Variants in GON4L observed in about 807,000 individuals in gnomAD.
GON4L encodes the protein GON-4-like protein.
A neutral mutation model predicts 211.8 loss-of-function variants in GON4L; 87 were observed. The observed-to-expected ratio is 0.41, with a 90% CI of 0.35 to 0.49. The LOEUF (loss-of-function observed/expected upper bound fraction) is 0.49, where lower values mean the gene tolerates loss of function less well. GON4L is among the 20% of genes least tolerant of loss of function. GON4L has a pLI of 0.15. For synonymous variants in GON4L, 875 were observed against 962.6 expected (o/e 0.91, Z 1.68); for missense variants, 2,155 against 2,659.5 (o/e 0.81, Z 4.17).
At chr1:155,812,914 T>G (rs1420564849) in intron 10 of GON4L, among the ~76,000 whole-genome samples, 1 of 152,156 alleles carries the variant, frequency 6.6e-6, no homozygotes, top group East Asian at 1.9e-4. Context: ...AATAAACTCA[T>G]TTTTAGAAAA....
At chr1:155,833,846 C>T (rs951944194) in intron 2 of GON4L, among the ~76,000 whole-genome samples, 3 of 150,992 alleles carry the variant, frequency 2.0e-5, no homozygotes, top group Non-Finnish European at 4.4e-5. Context: ...CTTTTTTTTA[C>T]AGACAAGGTC....
chr1:155,813,740 G>A lies in GON4L; in HGVS notation c.1346C>T (p.Pro449Leu), dbSNP rs776124346. The change falls in exon 10 of 32, where the codon CCG becomes CTG. Residue 449 changes from proline (P) to leucine (L), a missense_variant. Around this residue, in one of 6 missense-constraint regions of GON4L, gnomAD observed 551 missense variants for 854.0 expected, o/e 0.65. Transcript: ENST00000368331. ...ISAEVVPMGP[P>L]PPPKPKQTRD... ...GGTCTGTTTCGGCTTTGGAGGGGGC[G>A]GGGGCCCCATGGGCACTACCTCAGC... 1.9e-6 allele frequency: 3 copies of A among 1,612,506 alleles called. No homozygotes were observed. Among genetic ancestry groups the A allele is most frequent in the Non-Finnish European group, 2.5e-6 (3 of 1,178,526 alleles).
rs60229363 is a variant in GON4L, at chr1:155,750,790, GTCTC to G, written c.6577-61_6577-58del. ...CTTTTTTTTTTGTTTTTGAGACGGA[GTCTC>G]TCTCTGTTGCTGAGACTGGAGTGCA... is the stretch of plus-strand genomic sequence containing the variant. On this transcript the variant is annotated intron_variant, in intron 31 of 31. Transcript: ENST00000368331. The G allele has an allele frequency of 1.9e-5, 29 of 1,509,960 alleles. No individual in the cohort carries two copies. In the Admixed American group the frequency reaches 2.2e-4, roughly 11 times the overall value. The allele number at this position is 1,509,960 out of a possible 1,614,324, so 93.5% of individuals were successfully genotyped here. A position where few individuals can be genotyped will look rare whatever the true frequency, so the allele number is the denominator to read the frequency against.
chr1:155,836,180 T>C (rs1670274976), intron 2 of GON4L, among the ~76,000 whole-genome samples: 1 of 151,740 alleles, frequency 6.6e-6, no homozygotes, highest in Non-Finnish European at 1.5e-5. Context: ...AAAGACTGAC[T>C]GGCACCATTT....
At chr1:155,839,539 T>C (rs543737093) in intron 2 of GON4L, among the ~76,000 whole-genome samples, 52 of 151,806 alleles carry the variant, frequency 3.4e-4, no homozygotes, top group African/African-American at 1.2e-3. Flanking sequence ...TAATTCCAGC[T>C]ACTTTTGAGG....
Position 155,819,678 on chromosome 1 carries a change from G to T in GON4L, c.1014+928C>A, listed in dbSNP as rs561612964. 1.9e-4 allele frequency among the ~76,000 whole-genome samples: 29 copies of T among 152,282 alleles called. No individual in the cohort carries two copies. The South Asian group carries it at 6.0e-3, about 32-fold the overall frequency. On this transcript the variant is annotated intron_variant, in intron 6 of 31. Coordinates refer to ENST00000368331, the MANE Select transcript of GON4L (RefSeq NM_001282860.2). Reference sequence around the variant, plus strand: ...TCAGAAATATAATGAACTCCCTCATGACTATTACCTGCCTTGTAAGCACAA... The same window carrying T: ...TCAGAAATATAATGAACTCCCTCATTACTATTACCTGCCTTGTAAGCACAA...
intron 27 of GON4L, 93 bp from the exon 28 acceptor site, chr1:155,754,581 T>C (rs1660971675): frequency 1.2e-5 from 9 of 743,598 alleles, no homozygotes; most frequent in African/African-American, 1.9e-5. Context: ...CCAGGCTGGG[T>C]TGCAGTGGCA....
chr1:155,825,221 T>C (rs981899927), intron 3 of GON4L, among the ~76,000 whole-genome samples: 3 of 151,866 alleles, frequency 2.0e-5, no homozygotes, highest in African/African-American at 4.8e-5. Context: ...CAGAATGATA[T>C]ACAGCAATAA....
intron 19 of GON4L, among the ~76,000 whole-genome samples, chr1:155,767,978 AG>A (rs891257052): frequency 2.6e-5 from 4 of 152,046 alleles, no homozygotes; most frequent in Non-Finnish European, 4.4e-5. Flanking sequence ...TTAGAAGAGA[AG>A]GGGGGAAAAA....
chr1:155,774,455 C>G (rs551620105), intron 17 of GON4L, among the ~76,000 whole-genome samples: 25 of 152,004 alleles, frequency 1.6e-4, no homozygotes, highest in African/African-American at 5.3e-4. Context: ...ACTACAGGCG[C>G]GTGCCCCCAT....
chr1:155,806,959 G>A (rs1222673782), intron 10 of GON4L, among the ~76,000 whole-genome samples: 1 of 151,950 alleles, frequency 6.6e-6, no homozygotes, highest in East Asian at 1.9e-4. Flanking sequence ...AATTAGTTGC[G>A]TGTGGTGGCA....
chr1:155,805,122 A>G lies in GON4L; in HGVS notation c.1472T>C (p.Ile491Thr). ...CATCTTAGAACGCGTTCGAAATGCA[A>G]TGAGACTGTCATCCATGGGCTGGAC... Reference protein sequence around the residue: ...DSFQPMDDSLIAFRTRSKMPL... With the variant: ...DSFQPMDDSLTAFRTRSKMPL... Residue 491 changes from isoleucine to threonine, a missense_variant, in exon 11 of 32, where the codon ATT (isoleucine) becomes ACT (threonine). Around this residue, in one of 6 missense-constraint regions of GON4L, gnomAD observed 551 missense variants for 854.0 expected, o/e 0.65. Transcript: ENST00000368331. The G allele has an allele frequency of 6.2e-7, 1 of 1,613,352 alleles. No individual in the cohort carries two copies. The highest frequency in any genetic ancestry group is 8.5e-7 in the Non-Finnish European group (1 of 1,179,310).
At chr1:155,816,297 T>C (rs1668230951) in intron 6 of GON4L, 35 bp from the exon 7 acceptor site, 1 of 961,180 alleles carries the variant, frequency 1.0e-6, no homozygotes, top group Admixed American at 1.8e-5. Flanking sequence ...TAAGTTATCT[T>C]AACTGAAATA....
At chr1:155,772,252 A>G (rs1663271144) in intron 18 of GON4L, among the ~76,000 whole-genome samples, 1 of 152,178 alleles carries the variant, frequency 6.6e-6, no homozygotes, top group Non-Finnish European at 1.5e-5. Context: ...TATCATGACG[A>G]GCTGTATACT....
chr1:155,831,050 G>C (rs987063300), intron 2 of GON4L, among the ~76,000 whole-genome samples: 1 of 152,188 alleles, frequency 6.6e-6, no homozygotes, highest in African/African-American at 2.4e-5. Context: ...TGTAATCCCA[G>C]CACTTTGGGA....
chr1:155,815,999 C>T (rs1361793357), intron 7 of GON4L, 99 bp from the exon 8 acceptor site: 10 of 774,674 alleles, frequency 1.3e-5, no homozygotes, highest in Non-Finnish European at 1.8e-5. Flanking sequence ...AAAAAAAAAT[C>T]CTAAGAGCAT....
At chr1:155,852,149 A>G (rs1255961314) in intron 2 of GON4L, among the ~76,000 whole-genome samples, 1 of 133,876 alleles carries the variant, frequency 7.5e-6, no homozygotes, top group Non-Finnish European at 1.6e-5. Flanking sequence ...TGGGCAACAG[A>G]GCGAGACTGT....
In GON4L at chr1:155,814,397, T is replaced by C. The variant is rs769161234; in HGVS notation, c.1214A>G (p.Lys405Arg). The change falls in exon 9 of 32, where the codon AAG becomes AGG. Residue 405 changes from lysine to arginine, a missense_variant. Physicochemically the swap from Lys to Arg is conservative, Grantham distance 26. Transcript: ENST00000368331. ...ESTASSPRGA[K>R]KSRLRQSSEM... ...AGAAGACTGCCTCAATCTGGATTTCTTTGCCCCACGTGGAGATGAAGCAGT... is the reference window on the plus strand; with the variant it reads ...AGAAGACTGCCTCAATCTGGATTTCCTTGCCCCACGTGGAGATGAAGCAGT... The C allele has an allele frequency of 6.2e-7, 1 of 1,613,486 alleles. No individual in the cohort carries two copies. Among genetic ancestry groups the C allele is most frequent in the Non-Finnish European group, 8.5e-7 (1 of 1,179,386 alleles).
chr1:155,799,172 C>T (rs564388580), intron 11 of GON4L, among the ~76,000 whole-genome samples: 40 of 152,252 alleles, frequency 2.6e-4, no homozygotes, highest in African/African-American at 4.3e-4. Context: ...TGGTGGCTCA[C>T]GCCTGTAATC....
Sources: allele counts gnomAD v4.1 joint callset (sites outside exome capture counted in the v4.1 genomes callset), GRCh38; gene constraint gnomAD v4.1.1; regional missense constraint gnomAD v4.1.1; transcripts MANE v1.5; gene names NCBI Gene and HGNC (gene_info 2026-07-23, HGNC 2026-07-21).